Variants in FAM81A observed in about 807,000 individuals in gnomAD.
The protein encoded by FAM81A is family with sequence similarity 81 member A.
Under a neutral mutation model 46.7 loss-of-function variants are expected in FAM81A, and 19 were observed. That is an observed-to-expected ratio of 0.41 (90% CI 0.28 to 0.60). The LOEUF is 0.60. Ranked by LOEUF, FAM81A falls within the 20% of genes least tolerant of loss-of-function variation. The probability of loss-of-function intolerance (pLI) is 0.34; values close to 1 mark genes in which losing one functional copy is unlikely to be tolerated. For missense variants in FAM81A, 377 were observed against 453.5 expected (o/e 0.83, Z 1.53); for synonymous variants, 183 against 152.9 (o/e 1.20, Z -1.45).
chr15:59,465,771 G>A (rs2081605106), intron 3 of FAM81A, among the ~76,000 whole-genome samples: 1 of 152,086 alleles, frequency 6.6e-6, no homozygotes, highest in Middle Eastern at 3.2e-3. Flanking sequence ...AGTTATACAT[G>A]TGCCATGTTG....
intron 3 of FAM81A, among the ~76,000 whole-genome samples, chr15:59,470,446 A>G (rs2081671681): frequency 6.6e-6 from 1 of 151,832 alleles, no homozygotes; most frequent in South Asian, 2.1e-4. Context: ...CCTTTATTTC[A>G]TTAATTTTGT....
chr15:59,459,734 C>T (rs1293532105), intron 2 of FAM81A, among the ~76,000 whole-genome samples, 199 bp from the exon 3 acceptor site: 1 of 152,126 alleles, frequency 6.6e-6, no homozygotes, highest in Non-Finnish European at 1.5e-5. Flanking sequence ...TTCTAAAACA[C>T]TGAAGTCTGT....
At chr15:59,517,256 C>CA (rs1218616442) in intron 8 of FAM81A, among the ~76,000 whole-genome samples, 7 of 152,164 alleles carry the variant, frequency 4.6e-5, no homozygotes, top group Admixed American at 4.6e-4. Flanking sequence ...GGCAGGTCAG[C>CA]AGGGCGCATT....
At chr15:59,455,149 C>A (rs1488234760) in intron 1 of FAM81A, among the ~76,000 whole-genome samples, 2 of 151,744 alleles carry the variant, frequency 1.3e-5, no homozygotes, top group Non-Finnish European at 2.9e-5. Flanking sequence ...CATCCACTTA[C>A]CTCAACCTCC....
At chr15:59,453,791 A>G (rs1422946968) in intron 1 of FAM81A, among the ~76,000 whole-genome samples, 2 of 152,042 alleles carry the variant, frequency 1.3e-5, no homozygotes, top group Non-Finnish European at 2.9e-5. Context: ...GAAGAGCTGG[A>G]AGAGGGTAGG....
chr15:59,519,320 C>T (rs1474230437), intron 8 of FAM81A, among the ~76,000 whole-genome samples: 2 of 151,898 alleles, frequency 1.3e-5, no homozygotes, highest in African/African-American at 2.4e-5. Context: ...CCGCGGGTAG[C>T]TGGGATTGTA....
chr15:59,460,301 G>C lies in FAM81A; in HGVS notation c.294+95G>C. 5 of 1,501,786 alleles carry C rather than the reference G, an allele frequency of 3.3e-6. No homozygotes were observed. The highest frequency in any genetic ancestry group is 4.6e-6 in the Non-Finnish European group (5 of 1,081,292). 93.0% of individuals were successfully genotyped at this position (1,501,786 alleles called of 1,614,324 possible). A position where few individuals can be genotyped will look rare whatever the true frequency, so the allele number is the denominator to read the frequency against. ...ACATCTAACTCCTACCTCCCAGGCAGTACTGCATTTAGAACAAAGCTGTCT... is the reference window on the plus strand; with the variant it reads ...ACATCTAACTCCTACCTCCCAGGCACTACTGCATTTAGAACAAAGCTGTCT... On this transcript the variant is annotated intron_variant, in intron 3 of 8. Coordinates refer to ENST00000288228, the MANE Select transcript of FAM81A (RefSeq NM_152450.3). This position sits in a 1 kb window ranked among gnomAD's most constrained non-coding sequence, Gnocchi z 4.4.
chr15:59,472,973 C>G (rs71480527), intron 3 of FAM81A, among the ~76,000 whole-genome samples: 1 of 152,130 alleles, frequency 6.6e-6, no homozygotes, highest in Admixed American at 6.5e-5. Flanking sequence ...CTAAGCAACC[C>G]TAAGTTGACA....
At chr15:59,439,158 C>A (rs1261860074) in intron 1 of FAM81A, 1 of 151,278 alleles carries the variant, frequency 6.6e-6, no homozygotes, top group Non-Finnish European at 1.5e-5. Context: ...GTCCTCAGCT[C>A]AAAGTCTGCG....
chr15:59,507,716 C>A lies in FAM81A; in HGVS notation c.543+374C>A, dbSNP rs575771585. 2.6e-5 allele frequency among the ~76,000 whole-genome samples: 4 copies of A among 152,362 alleles called. No homozygotes were observed. In the East Asian group the frequency reaches 7.7e-4, roughly 29 times the overall value. ...TTTGATTCAGGAAATAATGTATTCCCTGGGACTCATTGTATGTACTACCTC... is the reference window on the plus strand; with the variant it reads ...TTTGATTCAGGAAATAATGTATTCCATGGGACTCATTGTATGTACTACCTC... On this transcript the variant is annotated intron_variant, in intron 5 of 8. Coordinates refer to ENST00000288228, the MANE Select transcript of FAM81A (RefSeq NM_152450.3).
intron 1 of FAM81A, among the ~76,000 whole-genome samples, chr15:59,450,107 T>C (rs527635790): frequency 3.3e-4 from 47 of 144,010 alleles, no homozygotes; most frequent in South Asian, 1.3e-3. Flanking sequence ...TTCTTTCTTT[T>C]TTTTTTTTTT....
chr15:59,468,016 G>C (rs2081636446), intron 3 of FAM81A, among the ~76,000 whole-genome samples: 1 of 152,152 alleles, frequency 6.6e-6, no homozygotes, highest in South Asian at 2.1e-4. Context: ...TATGATTATT[G>C]ATTTGCATAT....
rs751167234 is a variant in FAM81A at position 59,492,420 on chromosome 15, A to C, written c.413+31A>C. 1.4e-5 allele frequency: 22 copies of C among 1,549,284 alleles called. No individual in the cohort carries two copies. In the African/African-American group the frequency reaches 2.6e-4, roughly 18 times the overall value. ...TGTTCAAATGTTGGGGTCTCTGCTC[A>C]TCAAAAACCATTTTCTATAAACTCC... On this transcript the variant is annotated intron_variant, in intron 4 of 8. Transcript: ENST00000288228.
chr15:59,486,131 A>G (rs1486333138), intron 3 of FAM81A, among the ~76,000 whole-genome samples: 1 of 152,168 alleles, frequency 6.6e-6, no homozygotes, highest in Admixed American at 6.5e-5. Context: ...GTAAACCAAG[A>G]TCATGCCACT....
chr15:59,496,683 C>T (rs1411387812), intron 4 of FAM81A, among the ~76,000 whole-genome samples: 2 of 152,042 alleles, frequency 1.3e-5, no homozygotes, highest in African/African-American at 2.4e-5. Context: ...TCCATTGATT[C>T]TCAATTATTT....
intron 2 of FAM81A, among the ~76,000 whole-genome samples, chr15:59,404,175 C>T (rs1237292802): frequency 1.3e-5 from 2 of 152,100 alleles, no homozygotes; most frequent in African/African-American, 4.8e-5. Flanking sequence ...AACCACCATG[C>T]CCGGCCTGAA....
At chr15:59,510,225 G>A (rs538727825) in intron 6 of FAM81A, among the ~76,000 whole-genome samples, 1 of 151,976 alleles carries the variant, frequency 6.6e-6, no homozygotes, top group Admixed American at 6.6e-5. Context: ...AATTAGCCAG[G>A]CATGGTGGCA....
At chr15:59,484,601 G>A (rs1376647477) in intron 3 of FAM81A, among the ~76,000 whole-genome samples, 3 of 152,176 alleles carry the variant, frequency 2.0e-5, no homozygotes, top group Non-Finnish European at 2.9e-5. Context: ...GGAATGCAGG[G>A]CAGCCAACCA....
intron 3 of FAM81A, among the ~76,000 whole-genome samples, chr15:59,462,950 C>T (rs541913813): frequency 2.6e-4 from 40 of 152,272 alleles, no homozygotes; most frequent in African/African-American, 9.4e-4. Flanking sequence ...AATATTTTCT[C>T]CCACTCTGTG....
Sources: gnomAD v4.1 joint callset for allele counts (sites outside exome capture counted in the v4.1 genomes callset) on GRCh38, gnomAD v4.1.1 for gene constraint, Gnocchi (gnomAD v3.1) non-coding constraint, MANE v1.5 for transcripts, NCBI Gene and HGNC (gene_info 2026-07-23, HGNC 2026-07-21) for gene names.